The following SHANK2 variants were observed in gnomAD, a reference collection of about 807,000 sequenced individuals.
The protein encoded by SHANK2 is SH3 and multiple ankyrin repeat domains protein 2.
In SHANK2, 43 loss-of-function variants were observed where a neutral mutation model predicts 133.7. That is an observed-to-expected ratio of 0.32 (90% CI 0.25 to 0.41). SHANK2 has a LOEUF of 0.41. SHANK2 is among the 10% of genes least tolerant of loss of function. SHANK2 has a pLI of 1.00. For synonymous variants in SHANK2, 1,017 were observed against 952.8 expected, an observed-to-expected ratio of 1.07 and a Z score of -1.24; for missense variants, 1,994 against 2,235.8, an observed-to-expected ratio of 0.89 and a Z score of 2.18.
chr11:70,798,021 T>C (rs1325016511), intron 14 of SHANK2, among the ~76,000 whole-genome samples: 1 of 152,202 alleles, frequency 6.6e-6, no homozygotes, highest in Non-Finnish European at 1.5e-5. Context: ...ACTGAACTCT[T>C]TCGAGCAGTT....
intron 17 of SHANK2, among the ~76,000 whole-genome samples, chr11:70,506,108 T>A (rs2059133426): frequency 2.0e-5 from 3 of 152,158 alleles, no homozygotes; most frequent in Admixed American, 2.0e-4. Context: ...TCTCGGGGAA[T>A]GAGCCACTCA....
intron 14 of SHANK2, among the ~76,000 whole-genome samples, chr11:70,733,821 T>G (rs1428718723): frequency 6.6e-6 from 1 of 152,032 alleles, no homozygotes; most frequent in African/African-American, 2.4e-5. Context: ...TCAGCTCCCA[T>G]GAGGTGTCTG....
At chr11:70,583,625 C>T (rs529820156) in intron 17 of SHANK2, among the ~76,000 whole-genome samples, 3 of 152,192 alleles carry the variant, frequency 2.0e-5, no homozygotes, top group Non-Finnish European at 4.4e-5. Context: ...TCATCGAATC[C>T]CAAATTCACT....
intron 1 of SHANK2, among the ~76,000 whole-genome samples, chr11:71,251,908 G>A (rs868973858): frequency 6.6e-6 from 1 of 151,900 alleles, no homozygotes; most frequent in Non-Finnish European, 1.5e-5. Flanking sequence ...TGGCGGCCAC[G>A]GTTCGGGTCT....
At position 70,841,879 on chromosome 11, in the gene SHANK2, C is replaced by G. The variant is rs139730346; in HGVS notation, c.1175-21197G>C. Among the ~76,000 whole-genome samples the G allele has an allele frequency of 3.3e-5, 5 of 152,294 alleles. No individual in the cohort carries two copies. In the East Asian group the frequency reaches 9.7e-4, roughly 29 times the overall value. On this transcript the variant is annotated intron_variant, in intron 11 of 25. Coordinates refer to ENST00000601538, the MANE Select transcript of SHANK2 (RefSeq NM_012309.5). ...TGCTCGTCAGCTCCCAAATCTTCTCCAAGTCTTGGCTACTGTCACCGACCT... is the reference window on the plus strand; with the variant it reads ...TGCTCGTCAGCTCCCAAATCTTCTCGAAGTCTTGGCTACTGTCACCGACCT...
At chr11:70,716,720 C>T (rs1367842932) in intron 14 of SHANK2, among the ~76,000 whole-genome samples, 3 of 152,228 alleles carry the variant, frequency 2.0e-5, no homozygotes, top group Middle Eastern at 3.2e-3. Flanking sequence ...TTCTACACGT[C>T]GCTGACAAAA....
intron 14 of SHANK2, among the ~76,000 whole-genome samples, chr11:70,758,052 G>A (rs184048955): frequency 1.3e-5 from 2 of 152,252 alleles, no homozygotes; most frequent in Admixed American, 6.5e-5. Flanking sequence ...CTTTAAACAC[G>A]GGGCTTGCAA....
At chr11:70,747,590 G>A (rs1307326960) in intron 14 of SHANK2, among the ~76,000 whole-genome samples, 1 of 152,130 alleles carries the variant, frequency 6.6e-6, no homozygotes, top group African/African-American at 2.4e-5. Context: ...GCTTGCGTTG[G>A]AGATAGCACT....
chr11:71,192,356 G>T (rs549310312), intron 2 of SHANK2, among the ~76,000 whole-genome samples: 1 of 152,220 alleles, frequency 6.6e-6, no homozygotes. Flanking sequence ...CATGACCTGT[G>T]GTGACGGGGC....
chr11:70,802,007 G>A (rs983740428), intron 13 of SHANK2, among the ~76,000 whole-genome samples: 1 of 152,150 alleles, frequency 6.6e-6, no homozygotes. Context: ...AAGCACAGAG[G>A]GGGTGCGGCG....
intron 14 of SHANK2, among the ~76,000 whole-genome samples, chr11:70,756,947 C>T (rs1946889247): frequency 6.6e-6 from 1 of 152,150 alleles, no homozygotes; most frequent in African/African-American, 2.4e-5. Context: ...CTGGGCCAAC[C>T]ACTCCACTTC....
At chr11:70,586,264 G>A (rs535009704) in intron 17 of SHANK2, among the ~76,000 whole-genome samples, 1 of 152,282 alleles carries the variant, frequency 6.6e-6, no homozygotes, top group Admixed American at 6.5e-5. Flanking sequence ...CTGTGAGGTG[G>A]GCAGTGGGGG....
At chr11:70,938,003 T>C (rs1399224229) in intron 10 of SHANK2, among the ~76,000 whole-genome samples, 1 of 152,212 alleles carries the variant, frequency 6.6e-6, no homozygotes, top group African/African-American at 2.4e-5. Flanking sequence ...TCCAGTTCTA[T>C]ATCACCTTCT....
intron 17 of SHANK2, among the ~76,000 whole-genome samples, chr11:70,547,452 C>A (rs1386737675): frequency 6.6e-6 from 1 of 151,958 alleles, no homozygotes; most frequent in African/African-American, 2.4e-5. Context: ...GTAGAGATGC[C>A]GTTTCACCAA....
chr11:70,633,322 A>G (rs2061025840), intron 17 of SHANK2, among the ~76,000 whole-genome samples: 1 of 151,214 alleles, frequency 6.6e-6, no homozygotes, highest in African/African-American at 2.4e-5. Context: ...TCCTGAGTTC[A>G]TAATGACATA....
intron 3 of SHANK2, among the ~76,000 whole-genome samples, chr11:71,141,291 G>A (rs546726553): frequency 4.5e-4 from 69 of 151,886 alleles, no homozygotes; most frequent in African/African-American, 1.6e-3. Flanking sequence ...TCAGGCGTTC[G>A]AGACCAGCCT....
chr11:70,763,343 A>G (rs1947034024), intron 14 of SHANK2, among the ~76,000 whole-genome samples: 1 of 134,054 alleles, frequency 7.5e-6, no homozygotes. Flanking sequence ...ACAGCAGGGG[A>G]CACAGGGGCA....
At chr11:71,066,145 G>GGTGGGA (rs1267432498) in intron 9 of SHANK2, among the ~76,000 whole-genome samples, 2,211 of 30,890 alleles carry the variant, frequency 0.072, 43 homozygotes, top group Non-Finnish European at 0.089. Context: ...TGGGGAAGTT[G>GGTGGGA]GGTGGGGGGG....
chr11:70,925,325 C>T (rs782259774), intron 10 of SHANK2, among the ~76,000 whole-genome samples: 2 of 152,090 alleles, frequency 1.3e-5, no homozygotes, highest in Admixed American at 6.5e-5. Flanking sequence ...AAAGATGACC[C>T]GCCAAAGTGA....
Sources: gnomAD v4.1 joint callset for allele counts (sites outside exome capture counted in the v4.1 genomes callset) on GRCh38, gnomAD v4.1.1 for gene constraint, MANE v1.5 for transcripts, NCBI Gene and HGNC (gene_info 2026-07-23, HGNC 2026-07-21) for gene names.